Variants in URI1 observed in about 807,000 individuals in gnomAD.
URI1 encodes the protein unconventional prefoldin RPB5 interactor 1.
URI1 carries 39 observed loss-of-function variants against 60.2 expected under a neutral mutation model. The observed-to-expected ratio is 0.65, with a 90% CI of 0.50 to 0.85. URI1 has a LOEUF of 0.85. Among genes scored for constraint, URI1 ranks in the 40% least tolerant of loss-of-function variants. The pLI, the probability that URI1 is intolerant of heterozygous loss-of-function variation, is 0.00. For missense variants in URI1, 691 were observed against 665.9 expected, an observed-to-expected ratio of 1.04 and a Z score of -0.42; for synonymous variants, 251 against 236.8, an observed-to-expected ratio of 1.06 and a Z score of -0.55.
In URI1 at chr19:29,943,326, A is replaced by G. The variant is rs368242805; in HGVS notation, c.117+662A>G. On this transcript the variant is annotated intron_variant, in intron 1 of 10. Coordinates refer to ENST00000392271, the MANE Select transcript of URI1 (RefSeq NM_003796.3). ...TTAAACTACTGGTGAAAAGGGTACAAAGTTTTGTGTTTCCTAGTGGGACTT... is the reference window on the plus strand; with the variant it reads ...TTAAACTACTGGTGAAAAGGGTACAGAGTTTTGTGTTTCCTAGTGGGACTT... Among the ~76,000 whole-genome samples the G allele has an allele frequency of 3.3e-5, 5 of 152,132 alleles. No individual in the cohort carries two copies. In the East Asian group the frequency reaches 5.8e-4, roughly 18 times the overall value.
At position 29,951,688 on chromosome 19, in the gene URI1, A is replaced by G. The variant is rs537844984; in HGVS notation, c.117+9024A>G. Among the ~76,000 whole-genome samples, 7 of 152,026 alleles carry G rather than the reference A, an allele frequency of 4.6e-5. No homozygotes were observed. The South Asian group carries it at 8.3e-4, about 18-fold the overall frequency. On this transcript the variant is annotated intron_variant, in intron 1 of 10. Transcript: ENST00000392271. ...CAGCCTCCCAAGTAGCTGGGATTAC[A>G]GGCCTCTGCCACCACGCCCAGCTAC... is the stretch of plus-strand genomic sequence containing the variant.
intron 4 of URI1, among the ~76,000 whole-genome samples, chr19:29,993,628 G>A (rs2055773742): frequency 6.6e-6 from 1 of 152,120 alleles, no homozygotes; most frequent in East Asian, 1.9e-4. Flanking sequence ...AAGAAAGATT[G>A]TATGAGGTGC....
At chr19:29,995,469 C>T (rs2145406396) in intron 4 of URI1, among the ~76,000 whole-genome samples, 1 of 150,948 alleles carries the variant, frequency 6.6e-6, no homozygotes, top group African/African-American at 2.4e-5. Context: ...GGATATTAGT[C>T]CCTTATCAGA....
chr19:29,951,354 G>A (rs2145255067), intron 1 of URI1, among the ~76,000 whole-genome samples: 1 of 152,224 alleles, frequency 6.6e-6, no homozygotes, highest in East Asian at 1.9e-4. Context: ...GCTAATTAGT[G>A]ATTTTCTAAC....
chr19:29,971,065 A>C, intron 1 of URI1, 128 bp from the exon 2 acceptor site: 1 of 877,190 alleles, frequency 1.1e-6, no homozygotes, highest in Non-Finnish European at 1.8e-6. Context: ...TGCATTTGAC[A>C]AATAAAAATG....
chr19:30,003,779 G>A (rs1296850300), intron 4 of URI1, among the ~76,000 whole-genome samples: 1 of 151,950 alleles, frequency 6.6e-6, no homozygotes, highest in African/African-American at 2.4e-5. Flanking sequence ...TTTTAAAAAT[G>A]TACTTAGCTT....
chr19:29,972,169 C>T (rs1329108712), intron 2 of URI1, among the ~76,000 whole-genome samples: 1 of 152,060 alleles, frequency 6.6e-6, no homozygotes, highest in Non-Finnish European at 1.5e-5. Flanking sequence ...TTGGTGCAAT[C>T]TGTACACATC....
At chr19:29,954,579 A>G (rs1024321074) in intron 1 of URI1, among the ~76,000 whole-genome samples, 42 of 149,104 alleles carry the variant, frequency 2.8e-4, no homozygotes, top group Admixed American at 2.3e-3. Context: ...CAGTGGCGCA[A>G]TCTCGGCTCA....
At chr19:29,941,773 T>C (rs2055026867), upstream of URI1, among the ~76,000 whole-genome samples, 1 of 151,980 alleles carries the variant, frequency 6.6e-6, no homozygotes, top group South Asian at 2.1e-4. Context: ...ACATGCAAAA[T>C]ATAATTGTAT....
At chr19:29,962,963 C>T (rs1015435660) in intron 1 of URI1, among the ~76,000 whole-genome samples, 4 of 152,160 alleles carry the variant, frequency 2.6e-5, no homozygotes, top group African/African-American at 7.2e-5. Context: ...TTGAAGTTAG[C>T]TCTAGCTCTA....
Position 29,971,190 on chromosome 19 carries a change from C to G in URI1, c.118-3C>G, listed in dbSNP as rs1291212251. On this transcript the variant is annotated splice_region_variant and splice_polypyrimidine_tract_variant and intron_variant, in intron 1 of 10. Transcript: ENST00000392271. ...CATGAGTAGTTATCTGTTTTCATGACAGGTGGTCACTAACTGCCAAGAGAG... is the reference window on the plus strand; with the variant it reads ...CATGAGTAGTTATCTGTTTTCATGAGAGGTGGTCACTAACTGCCAAGAGAG... The G allele has an allele frequency of 1.2e-6, 2 of 1,612,254 alleles. No individual in the cohort carries two copies. The highest frequency in any genetic ancestry group is 3.3e-5 in the Admixed American group (2 of 59,940).
intron 2 of URI1, among the ~76,000 whole-genome samples, chr19:29,975,695 G>C (rs1252157235): frequency 6.6e-6 from 1 of 151,966 alleles, no homozygotes; most frequent in Non-Finnish European, 1.5e-5. Flanking sequence ...TAGTAAAGAC[G>C]GGGTTTCACC....
At chr19:29,925,281 A>G (rs1167736275) in intron 1 of URI1, among the ~76,000 whole-genome samples, 7 of 152,208 alleles carry the variant, frequency 4.6e-5, no homozygotes, top group Non-Finnish European at 8.8e-5. Context: ...TTCCAGTTGA[A>G]TTGAGAGTTC....
At chr19:29,996,235 G>A (rs961721521) in intron 4 of URI1, among the ~76,000 whole-genome samples, 4 of 152,134 alleles carry the variant, frequency 2.6e-5, no homozygotes, top group Admixed American at 1.3e-4. Context: ...TATTCACTCC[G>A]TGAACATAGG....
chr19:29,982,152 A>G (rs905921839), intron 2 of URI1, among the ~76,000 whole-genome samples: 7 of 152,176 alleles, frequency 4.6e-5, no homozygotes, highest in Non-Finnish European at 7.3e-5. Flanking sequence ...CTCCCTTCAT[A>G]AAGGATTTCT....
chr19:29,945,030 A>T (rs1409070019), intron 1 of URI1, among the ~76,000 whole-genome samples: 1 of 152,262 alleles, frequency 6.6e-6, no homozygotes, highest in Non-Finnish European at 1.5e-5. Flanking sequence ...TAGTAGCTTC[A>T]TATGTGGCAC....
chr19:29,989,455 ACTCT>A (rs2055716450), intron 4 of URI1, among the ~76,000 whole-genome samples: 1 of 149,878 alleles, frequency 6.7e-6, no homozygotes, highest in Non-Finnish European at 1.5e-5. Flanking sequence ...ATGGAGTCTC[ACTCT>A]GTCGCCCAGG....
At chr19:29,995,556 A>AAAAAAAAAT (rs1313999142) in intron 4 of URI1, among the ~76,000 whole-genome samples, 2 of 151,184 alleles carry the variant, frequency 1.3e-5, no homozygotes, top group Non-Finnish European at 3.0e-5. Flanking sequence ...CTTACTTAAA[A>AAAAAAAAAT]AAAAAAATAG....
Position 30,016,603 on chromosome 19 carries a change from T to C in URI1, c.*1534T>C, listed in dbSNP as rs1359880663. ...ATGCGTGTCATTAAATAATTTTTCA[T>C]GTTCACAGACTTGATTTTGAGCCTG... On this transcript the variant is annotated 3_prime_UTR_variant, in exon 11 of 11. Coordinates refer to ENST00000392271, the MANE Select transcript of URI1 (RefSeq NM_003796.3). 2 of 152,174 alleles carry C rather than the reference T, an allele frequency of 1.3e-5. No homozygotes were observed. The highest frequency in any genetic ancestry group is 1.3e-4 in the Admixed American group (2 of 15,286). 9.4% of individuals were successfully genotyped at this position (152,174 alleles called of 1,614,324 possible).
Sources: gnomAD v4.1 joint callset for allele counts (sites outside exome capture counted in the v4.1 genomes callset) on GRCh38, gnomAD v4.1.1 for gene constraint, MANE v1.5 for transcripts, NCBI Gene and HGNC (gene_info 2026-07-23, HGNC 2026-07-21) for gene names.